CMTM7: variants seen among roughly 807,000 people sequenced by gnomAD.
CMTM7 encodes the protein CKLF like MARVEL transmembrane domain containing 7.
CMTM7 carries 7 observed loss-of-function variants against 19.3 expected under a neutral mutation model. The observed-to-expected ratio is 0.36, with a 90% CI of 0.21 to 0.68. The LOEUF is 0.68. Among genes scored for constraint, CMTM7 ranks in the 30% least tolerant of loss-of-function variants. The probability of loss-of-function intolerance (pLI) is 0.60; values close to 1 mark genes in which losing one functional copy is unlikely to be tolerated. For missense variants in CMTM7, 193 were observed against 232.6 expected (o/e 0.83, Z 1.11); for synonymous variants, 87 against 99.3 (o/e 0.88, Z 0.74).
intron 1 of CMTM7, among the ~76,000 whole-genome samples, chr3:32,431,059 G>A (rs1481620567): frequency 1.3e-5 from 2 of 152,196 alleles, no homozygotes; most frequent in Non-Finnish European, 1.5e-5. Context: ...TGGAACTTAC[G>A]TTCAGGGGTG....
Position 32,392,064 on chromosome 3 carries a change from TG to T in CMTM7, c.159+1del. The stretch of plus-strand genomic sequence containing the variant: ...GCGGCCCTGCTGAAAGTGGCGCAAA[TG>T]GTAAGTGAGCGCGGGGCGCGAGGCC... Reference protein sequence around the residue: ...THAALLKVAQMVTLLIAFICV... With the variant: ...THAALLKVAQXVTLLIAFICV... On this transcript the variant is annotated frameshift_variant and splice_region_variant, in exon 1 of 5. Coordinates refer to ENST00000334983, the MANE Select transcript of CMTM7 (RefSeq NM_138410.4). LOFTEE classifies it high-confidence loss of function. 8.1e-7 allele frequency: 1 copy of T among 1,233,350 alleles called. No individual in the cohort carries two copies. Among genetic ancestry groups the T allele is most frequent in the Non-Finnish European group, 1.0e-6 (1 of 986,280 alleles). The allele number at this position is 1,233,350 out of a possible 1,614,324, so 76.4% of individuals were successfully genotyped here. A position where few individuals can be genotyped will look rare whatever the true frequency, so the allele number is the denominator to read the frequency against.
chr3:32,425,682 T>G (rs1696421010), intron 1 of CMTM7, among the ~76,000 whole-genome samples: 1 of 152,146 alleles, frequency 6.6e-6, no homozygotes, highest in East Asian at 1.9e-4. Flanking sequence ...CTCAACAACA[T>G]TAAAATGTAG....
At chr3:32,447,067 C>T (rs1696764464) in intron 2 of CMTM7, among the ~76,000 whole-genome samples, 1 of 152,124 alleles carries the variant, frequency 6.6e-6, no homozygotes, top group African/African-American at 2.4e-5. Flanking sequence ...TATAAATCTC[C>T]CTCTGATAAC....
rs748994901 is a variant in CMTM7 at position 32,441,965 on chromosome 3, C to G, written c.285C>G (p.His95Gln). 6.2e-7 allele frequency: 1 copy of G among 1,614,174 alleles called. No homozygotes were observed. Among genetic ancestry groups the G allele is most frequent in the Non-Finnish European group, 8.5e-7 (1 of 1,180,038 alleles). The part of the protein sequence containing the change: ...LIMILAFYLV[H>Q]LFRFYRVLTC... ...TGATCCTCGCCTTTTACCTGGTCCA[C>G]CTCTTCCGCTTCTACCGCGTGCTCA... is the stretch of plus-strand genomic sequence containing the variant. Residue 95 changes from histidine (H) to glutamine (Q), a missense_variant, in exon 2 of 5, where the codon CAC becomes CAG. By Grantham distance (24) the His-to-Gln change is conservative. Transcript: ENST00000334983.
At chr3:32,444,955 C>G (rs1696732965) in intron 2 of CMTM7, among the ~76,000 whole-genome samples, 1 of 152,064 alleles carries the variant, frequency 6.6e-6, no homozygotes, top group South Asian at 2.1e-4. Flanking sequence ...GCATTTTATT[C>G]TTTTTGATGC....
chr3:32,414,351 G>A (rs1359203055), intron 1 of CMTM7, among the ~76,000 whole-genome samples: 1 of 152,146 alleles, frequency 6.6e-6, no homozygotes, highest in Non-Finnish European at 1.5e-5. Flanking sequence ...CTTCTGTTTG[G>A]TGCAAGTCTC....
At position 32,404,503 on chromosome 3, in the gene CMTM7, C is replaced by T. The variant is rs769459693; in HGVS notation, c.159+12438C>T. Among the ~76,000 whole-genome samples the T allele has an allele frequency of 2.2e-4, 34 of 152,260 alleles. 1 individual carries two copies. Among genetic ancestry groups the T allele is most frequent in the South Asian group, 6.2e-4 (3 of 4,826 alleles). ...GACTCTGTGGAGTATTCAGTTTTTC[C>T]TCCTTTTGCTTGAACAGAAGCTGAG... On this transcript the variant is annotated intron_variant, in intron 1 of 4. Transcript: ENST00000334983.
chr3:32,418,274 G>T (rs1019706607), intron 1 of CMTM7, among the ~76,000 whole-genome samples: 1 of 151,990 alleles, frequency 6.6e-6, no homozygotes. Flanking sequence ...TTTATTTTTA[G>T]GTTTTGAGTA....
chr3:32,409,073 G>C (rs141357791), intron 1 of CMTM7, among the ~76,000 whole-genome samples: 1 of 151,960 alleles, frequency 6.6e-6, no homozygotes, highest in African/African-American at 2.4e-5. Flanking sequence ...AATAGAGGCG[G>C]GGTTTCTCCA....
At chr3:32,393,855 G>C (rs143691208) in intron 1 of CMTM7, among the ~76,000 whole-genome samples, 1 of 150,200 alleles carries the variant, frequency 6.7e-6, no homozygotes, top group East Asian at 2.0e-4. Flanking sequence ...GATGAATAAA[G>C]ATACTGGGAG....
intron 1 of CMTM7, among the ~76,000 whole-genome samples, chr3:32,392,775 G>C (rs1183328031): frequency 6.6e-6 from 1 of 152,202 alleles, no homozygotes; most frequent in Non-Finnish European, 1.5e-5. Flanking sequence ...AGTCACCCGT[G>C]GAGCCAGGCA....
intron 1 of CMTM7, 138 bp from the exon 2 acceptor site, chr3:32,441,702 A>T: frequency 1.4e-6 from 1 of 717,312 alleles, no homozygotes; most frequent in Non-Finnish European, 2.4e-6. Flanking sequence ...GCCAGTGTGT[A>T]TGGAAATAAC....
chr3:32,424,894 C>T (rs1363609580), intron 1 of CMTM7, among the ~76,000 whole-genome samples: 1 of 152,202 alleles, frequency 6.6e-6, no homozygotes, highest in African/African-American at 2.4e-5. Flanking sequence ...GATCTGTCCA[C>T]CTCGGCCTCC....
chr3:32,418,427 GT>G (rs959732223), intron 1 of CMTM7, among the ~76,000 whole-genome samples: 3 of 151,932 alleles, frequency 2.0e-5, no homozygotes, highest in East Asian at 1.9e-4. Flanking sequence ...TAATTTATCA[GT>G]TTTTTTTCCT....
intron 1 of CMTM7, among the ~76,000 whole-genome samples, chr3:32,416,412 C>T (rs1696266379): frequency 1.2e-5 from 1 of 82,888 alleles, no homozygotes; most frequent in Non-Finnish European, 2.2e-5. Flanking sequence ...CGGAGTCTCG[C>T]TCTGTCCCCC....
At chr3:32,448,783 A>G (rs1285114952) in intron 2 of CMTM7, among the ~76,000 whole-genome samples, 8 of 144,864 alleles carry the variant, frequency 5.5e-5, no homozygotes, top group African/African-American at 2.1e-4. Flanking sequence ...AATGACAGGA[A>G]AAAAAAAAAA....
intron 2 of CMTM7, among the ~76,000 whole-genome samples, chr3:32,443,669 T>C (rs769340094): frequency 1.3e-5 from 2 of 152,204 alleles, no homozygotes; most frequent in African/African-American, 4.8e-5. Flanking sequence ...GGCTCACTGT[T>C]TTACATTCCC....
At position 32,454,458 on chromosome 3, in the gene CMTM7, G is replaced by T. The variant is rs114577010; in HGVS notation, c.*204G>T. The T allele has an allele frequency of 9.6e-5, 68 of 711,892 alleles. No individual in the cohort carries two copies. The highest frequency in any genetic ancestry group is 5.9e-4 in the African/African-American group (34 of 57,342). The allele number at this position is 711,892 out of a possible 1,614,324, so 44.1% of individuals were successfully genotyped here. ...CCGGAAACTCTTCCTCCAGCCTTCCGGGGAGAACATCCCTCCCATTCTGGG... is the reference window on the plus strand; with the variant it reads ...CCGGAAACTCTTCCTCCAGCCTTCCTGGGAGAACATCCCTCCCATTCTGGG... On this transcript the variant is annotated 3_prime_UTR_variant, in exon 5 of 5. Coordinates refer to ENST00000334983, the MANE Select transcript of CMTM7 (RefSeq NM_138410.4).
chr3:32,453,347 C>T (rs550199916), intron 4 of CMTM7, among the ~76,000 whole-genome samples: 9 of 152,162 alleles, frequency 5.9e-5, no homozygotes, highest in Non-Finnish European at 8.8e-5. Flanking sequence ...AGTATCCTTT[C>T]GATATTTTCT....
Sources: allele counts gnomAD v4.1 joint callset (sites outside exome capture counted in the v4.1 genomes callset), GRCh38; gene constraint gnomAD v4.1.1; transcripts MANE v1.5; gene names NCBI Gene and HGNC (gene_info 2026-07-23, HGNC 2026-07-21).